UBASH3B: variants seen among roughly 807,000 people sequenced by gnomAD.
The protein encoded by UBASH3B is ubiquitin associated and SH3 domain containing B, also known as ubiquitin-associated and SH3 domain-containing protein B.
A neutral mutation model predicts 83.4 loss-of-function variants in UBASH3B; 37 were observed. That is an observed-to-expected ratio of 0.44 (90% CI 0.34 to 0.58). The LOEUF is 0.58. Ranked by LOEUF, UBASH3B falls within the 20% of genes least tolerant of loss-of-function variation. UBASH3B has a pLI of 0.01. For synonymous variants in UBASH3B, 304 were observed against 318.3 expected (o/e 0.96, Z 0.48); for missense variants, 657 against 827.2 (o/e 0.79, Z 2.52).
At chr11:122,705,393 C>T (rs948232424) in intron 1 of UBASH3B, among the ~76,000 whole-genome samples, 5 of 150,720 alleles carry the variant, frequency 3.3e-5, no homozygotes, top group African/African-American at 9.8e-5. Context: ...TTGCAGTGAG[C>T]TGAGATCGCA....
intron 1 of UBASH3B, among the ~76,000 whole-genome samples, chr11:122,727,032 G>A (rs763808765): frequency 1.1e-3 from 165 of 152,304 alleles, no homozygotes; most frequent in Non-Finnish European, 1.9e-3. Context: ...GATTCCGATT[G>A]CTAATTGTTA....
At chr11:122,738,887 CAAAA>C (rs35957240) in intron 1 of UBASH3B, among the ~76,000 whole-genome samples, 7 of 139,486 alleles carry the variant, frequency 5.0e-5, no homozygotes, top group Admixed American at 7.1e-5. Flanking sequence ...AACTCTGTCT[CAAAA>C]AAAAAAAAAA....
At chr11:122,665,605 T>C (rs998395648) in intron 1 of UBASH3B, among the ~76,000 whole-genome samples, 1 of 152,202 alleles carries the variant, frequency 6.6e-6, no homozygotes, top group Non-Finnish European at 1.5e-5. Context: ...TTTTTCACAG[T>C]GCTTTATGGT....
intron 1 of UBASH3B, among the ~76,000 whole-genome samples, chr11:122,657,437 C>T (rs767547699): frequency 7.2e-5 from 11 of 152,188 alleles, no homozygotes; most frequent in South Asian, 4.2e-4. Flanking sequence ...CATAGACATG[C>T]GCCACCACAC....
In UBASH3B at chr11:122,812,582, A is replaced by G. The variant is rs1861469183; in HGVS notation, c.*2696A>G. On this transcript the variant is annotated 3_prime_UTR_variant, in exon 14 of 14. Coordinates refer to ENST00000284273, the MANE Select transcript of UBASH3B (RefSeq NM_032873.5). Reference sequence around the variant, plus strand: ...ATAAGAAGCAAATGGTTTCTTGTACAGAGGAATTTTGTTTTAATGTAGAAA... The same window carrying G: ...ATAAGAAGCAAATGGTTTCTTGTACGGAGGAATTTTGTTTTAATGTAGAAA... 6.6e-6 allele frequency: 1 copy of G among 152,234 alleles called. No homozygotes were observed. Among genetic ancestry groups the G allele is most frequent in the Non-Finnish European group, 1.5e-5 (1 of 68,040 alleles). The allele number at this position is 152,234 out of a possible 1,614,324, so 9.4% of individuals were successfully genotyped here. A position where few individuals can be genotyped will look rare whatever the true frequency, so the allele number is the denominator to read the frequency against.
chr11:122,734,648 C>T (rs544325049), intron 1 of UBASH3B, among the ~76,000 whole-genome samples: 1 of 152,270 alleles, frequency 6.6e-6, no homozygotes, highest in East Asian at 1.9e-4. Context: ...AAGTCCTCAT[C>T]ACTGGATGAG....
intron 1 of UBASH3B, among the ~76,000 whole-genome samples, chr11:122,742,247 G>C (rs1861037870): frequency 6.6e-6 from 1 of 152,210 alleles, no homozygotes; most frequent in African/African-American, 2.4e-5. Flanking sequence ...TGGAGAAAAA[G>C]AGATTTGGAC....
At chr11:122,688,657 T>TTA (rs1565529575) in intron 1 of UBASH3B, among the ~76,000 whole-genome samples, 7 of 142,622 alleles carry the variant, frequency 4.9e-5, no homozygotes, top group African/African-American at 1.5e-4. Context: ...TTTATTTTAT[T>TTA]TTTTTGAGAC....
At chr11:122,715,828 C>T (rs550811715) in intron 1 of UBASH3B, among the ~76,000 whole-genome samples, 3 of 152,372 alleles carry the variant, frequency 2.0e-5, no homozygotes, top group East Asian at 1.9e-4. Context: ...CAGCCTCCAC[C>T]GTGGTCCCCT....
At chr11:122,792,032 CA>C (rs1458421561) in intron 6 of UBASH3B, among the ~76,000 whole-genome samples, 2 of 152,156 alleles carry the variant, frequency 1.3e-5, no homozygotes, top group Non-Finnish European at 2.9e-5. Context: ...CTGTTCTGAG[CA>C]AGAAGCATCT....
At chr11:122,775,183 AGCATGAAT>A (rs1860712191) in intron 1 of UBASH3B, among the ~76,000 whole-genome samples, 1 of 152,262 alleles carries the variant, frequency 6.6e-6, no homozygotes, top group South Asian at 2.1e-4. Flanking sequence ...AATAAATGTA[AGCATGAAT>A]GCATGAATGA....
intron 1 of UBASH3B, among the ~76,000 whole-genome samples, chr11:122,731,318 CTT>C (rs1193913549): frequency 1.3e-5 from 2 of 152,212 alleles, no homozygotes; most frequent in African/African-American, 4.8e-5. Context: ...ACCTGGGTGA[CTT>C]TGGCATGCAA....
intron 1 of UBASH3B, among the ~76,000 whole-genome samples, chr11:122,705,360 C>T (rs1057238964): frequency 3.3e-5 from 5 of 151,110 alleles, no homozygotes; most frequent in Non-Finnish European, 7.4e-5. Flanking sequence ...GCAGGAGAAT[C>T]GCTTGAACCT....
At chr11:122,699,517 C>CTT (rs1324360090) in intron 1 of UBASH3B, among the ~76,000 whole-genome samples, 8 of 138,152 alleles carry the variant, frequency 5.8e-5, no homozygotes, top group East Asian at 2.3e-4. Context: ...TTCTTTCTTT[C>CTT]TCTTTCTTTC....
At chr11:122,690,182 A>ATATATATATATATATCCAAT (rs1863866937) in intron 1 of UBASH3B, among the ~76,000 whole-genome samples, 1 of 29,778 alleles carries the variant, frequency 3.4e-5, no homozygotes, top group African/African-American at 9.2e-5. Context: ...ATATATATAT[A>ATATATATATATATATCCAAT]TATATATATA....
chr11:122,794,450 G>A (rs370338878), intron 6 of UBASH3B, among the ~76,000 whole-genome samples: 3 of 152,208 alleles, frequency 2.0e-5, no homozygotes, highest in East Asian at 1.9e-4. Flanking sequence ...CAGGTGATCC[G>A]CCTGCCTCGG....
intron 1 of UBASH3B, among the ~76,000 whole-genome samples, chr11:122,775,282 G>A (rs1860713248): frequency 6.6e-6 from 1 of 152,228 alleles, no homozygotes; most frequent in Non-Finnish European, 1.5e-5. Context: ...ACTTTAAGAA[G>A]AGCTCCACTT....
At chr11:122,670,910 G>A (rs762103935) in intron 1 of UBASH3B, among the ~76,000 whole-genome samples, 2 of 151,862 alleles carry the variant, frequency 1.3e-5, no homozygotes, top group Non-Finnish European at 2.9e-5. Flanking sequence ...TTACAGACGT[G>A]CTCCACCACG....
At chr11:122,771,408 T>G (rs1437509618) in intron 1 of UBASH3B, among the ~76,000 whole-genome samples, 1 of 152,028 alleles carries the variant, frequency 6.6e-6, no homozygotes, top group Non-Finnish European at 1.5e-5. Context: ...GCCCGGCTAA[T>G]TTTTGTATTT....
Sources: allele counts gnomAD v4.1 joint callset (sites outside exome capture counted in the v4.1 genomes callset), GRCh38; gene constraint gnomAD v4.1.1; transcripts MANE v1.5; gene names NCBI Gene and HGNC (gene_info 2026-07-23, HGNC 2026-07-21).